CRADD: variants seen among roughly 807,000 people sequenced by gnomAD.
The protein encoded by CRADD is CARD and death domain containing adaptor protein.
Under a neutral mutation model 15.5 loss-of-function variants are expected in CRADD, and 9 were observed. The ratio of observed to expected loss-of-function variants is 0.58; its 90% CI spans 0.35 to 1.01. The LOEUF (loss-of-function observed/expected upper bound fraction) is 1.01. Among genes scored for constraint, CRADD ranks in the 50% least tolerant of loss-of-function variants. The probability of loss-of-function intolerance (pLI) is 0.02; values close to 1 mark genes in which losing one functional copy is unlikely to be tolerated. For missense variants in CRADD, 227 were observed against 250.3 expected (o/e 0.91, Z 0.63); for synonymous variants, 118 against 107.6 (o/e 1.10, Z -0.60).
At chr12:93,816,171 G>A (rs1444872494) in intron 2 of CRADD, 1 of 152,154 alleles carries the variant, frequency 6.6e-6, no homozygotes, top group Non-Finnish European at 1.5e-5. Context: ...AACATGAAAG[G>A]AATAGATTAT....
intron 2 of CRADD, among the ~76,000 whole-genome samples, chr12:93,888,366 A>C: frequency 6.7e-6 from 1 of 150,346 alleles, no homozygotes; most frequent in Non-Finnish European, 1.5e-5. Context: ...CGGAGCTTGC[A>C]GTGAGCCGAG....
intron 2 of CRADD, among the ~76,000 whole-genome samples, chr12:93,734,440 G>T (rs1956527736): frequency 6.6e-6 from 1 of 152,058 alleles, no homozygotes; most frequent in Non-Finnish European, 1.5e-5. Flanking sequence ...TTTTTATTTA[G>T]AACTCTTTTA....
chr12:93,790,348 T>C (rs887895877), intron 2 of CRADD, among the ~76,000 whole-genome samples: 2 of 151,928 alleles, frequency 1.3e-5, no homozygotes, highest in African/African-American at 4.8e-5. Context: ...CTTTAGGAAA[T>C]ATACCTAATG....
intron 2 of CRADD, among the ~76,000 whole-genome samples, chr12:93,861,161 C>A (rs1958316766): frequency 6.6e-6 from 1 of 152,128 alleles, no homozygotes; most frequent in African/African-American, 2.4e-5. Flanking sequence ...GCTGAGGGAG[C>A]AGAGGCTGCA....
intron 2 of CRADD, among the ~76,000 whole-genome samples, chr12:93,721,824 A>T (rs929535473): frequency 2.6e-5 from 4 of 152,232 alleles, no homozygotes; most frequent in Non-Finnish European, 5.9e-5. Context: ...ACATAAGCAT[A>T]CATAACCAAA....
At chr12:93,783,951 G>T (rs10777544) in intron 2 of CRADD, among the ~76,000 whole-genome samples, 4 of 151,912 alleles carry the variant, frequency 2.6e-5, no homozygotes, top group South Asian at 2.1e-4. Flanking sequence ...GTCATGCTCT[G>T]GATGTCAGAA....
downstream of CRADD, among the ~76,000 whole-genome samples, chr12:93,854,778 A>G (rs1593047109): frequency 6.6e-6 from 1 of 152,202 alleles, no homozygotes; most frequent in East Asian, 1.9e-4. Flanking sequence ...TATGGCCTCC[A>G]GACATACAGC....
chr12:93,768,503 T>TA (rs2136957633), intron 2 of CRADD, among the ~76,000 whole-genome samples: 1 of 151,990 alleles, frequency 6.6e-6, no homozygotes, highest in Admixed American at 6.6e-5. Context: ...TTTTTTTTTT[T>TA]ATGAATCCTC....
At position 93,850,027 on chromosome 12, in the gene CRADD, A is replaced by G; in HGVS notation, c.356A>G (p.Gln119Arg). The G allele has an allele frequency of 6.2e-7, 1 of 1,611,494 alleles. No individual in the cohort carries two copies. Among genetic ancestry groups the G allele is most frequent in the African/African-American group, 1.3e-5 (1 of 74,976 alleles). ...HILNSSPSDR[Q>R]INQLAQRLGP... ...CTCAACAGCTCCCCATCAGACCGGC[A>G]GATTAACCAGCTGGCCCAGAGGCTG... Residue 119 changes from glutamine (Q) to arginine (R), a missense_variant, in exon 3 of 3, where the codon CAG (glutamine) becomes CGG (arginine). By Grantham distance (43) the Gln-to-Arg change is conservative. Coordinates refer to ENST00000332896, the MANE Select transcript of CRADD (RefSeq NM_003805.5). The surrounding 1 kb of genome is among the most constrained non-coding windows in gnomAD (Gnocchi z 4.0).
At chr12:93,707,523 G>C (rs748862149) in intron 2 of CRADD, among the ~76,000 whole-genome samples, 4 of 152,144 alleles carry the variant, frequency 2.6e-5, no homozygotes, top group Non-Finnish European at 5.9e-5. Context: ...TCTCCATGTG[G>C]CTTAGGTTTC....
chr12:93,737,470 A>G (rs2136923099), intron 2 of CRADD, among the ~76,000 whole-genome samples: 1 of 152,344 alleles, frequency 6.6e-6, no homozygotes, highest in Non-Finnish European at 1.5e-5. Context: ...ACTTAGTACT[A>G]ATCTGCATCT....
intron 2 of CRADD, among the ~76,000 whole-genome samples, chr12:93,726,094 GTTTTTTTTTTTT>G (rs1165429350): frequency 2.1e-5 from 2 of 96,010 alleles, no homozygotes; most frequent in African/African-American, 3.7e-5. Context: ...AAATAGTTTA[GTTTTTTTTTTTT>G]TTTTTTTTTT....
intron 2 of CRADD, among the ~76,000 whole-genome samples, chr12:93,890,130 A>C (rs1243614532): frequency 6.6e-6 from 1 of 152,192 alleles, no homozygotes; most frequent in African/African-American, 2.4e-5. Context: ...ATTATAGTCA[A>C]ATTCCCCTGG....
intron 2 of CRADD, among the ~76,000 whole-genome samples, chr12:93,723,464 C>T (rs977273520): frequency 6.6e-6 from 1 of 152,190 alleles, no homozygotes; most frequent in African/African-American, 2.4e-5. Context: ...TGACTCAGTA[C>T]AAGAAGACAA....
chr12:93,839,105 G>T (rs766684410), intron 2 of CRADD, among the ~76,000 whole-genome samples: 39 of 152,072 alleles, frequency 2.6e-4, no homozygotes, highest in South Asian at 8.3e-4. Flanking sequence ...CATTTGTATA[G>T]ACCTGATTCT....
At chr12:93,813,769 C>T (rs1351976068) in intron 2 of CRADD, among the ~76,000 whole-genome samples, 1 of 151,818 alleles carries the variant, frequency 6.6e-6, no homozygotes, top group Non-Finnish European at 1.5e-5. Context: ...GGGTATGGAG[C>T]TAAGCTAGGG....
chr12:93,875,451 T>C (rs1217830325), intron 2 of CRADD, among the ~76,000 whole-genome samples: 1 of 151,320 alleles, frequency 6.6e-6, no homozygotes, highest in African/African-American at 2.5e-5. Flanking sequence ...TTATTTGTTT[T>C]CTGGTTGTTT....
intron 2 of CRADD, among the ~76,000 whole-genome samples, chr12:93,816,368 C>T (rs569151834): frequency 6.7e-6 from 1 of 149,200 alleles, no homozygotes; most frequent in South Asian, 2.1e-4. Flanking sequence ...AGGCGTGTGC[C>T]GTGATGCCTG....
chr12:93,798,914 C>G (rs1468417386), intron 2 of CRADD, among the ~76,000 whole-genome samples: 1 of 152,128 alleles, frequency 6.6e-6, no homozygotes, highest in Non-Finnish European at 1.5e-5. Flanking sequence ...CCATGCCAGT[C>G]CACGCCCTGT....
Sources: gnomAD v4.1 joint callset for allele counts (sites outside exome capture counted in the v4.1 genomes callset) on GRCh38, gnomAD v4.1.1 for gene constraint, Gnocchi (gnomAD v3.1) non-coding constraint, MANE v1.5 for transcripts, NCBI Gene and HGNC (gene_info 2026-07-23, HGNC 2026-07-21) for gene names.